GBX2: variants seen among roughly 807,000 people sequenced by gnomAD.
The protein encoded by GBX2 is gastrulation brain homeobox 2.
In GBX2, 5 loss-of-function variants were observed where a neutral mutation model predicts 22.4. The ratio of observed to expected loss-of-function variants is 0.22; its 90% confidence interval spans 0.12 to 0.47. The LOEUF (loss-of-function observed/expected upper bound fraction) is 0.47, where lower values mean the gene tolerates loss of function less well. Among genes scored for constraint, GBX2 ranks in the 20% least tolerant of loss-of-function variants. GBX2 has a pLI of 0.99. For missense variants in GBX2, 470 were observed against 495.4 expected (o/e 0.95, Z 0.49); for synonymous variants, 220 against 230.5 (o/e 0.95, Z 0.41).
downstream of GBX2, among the ~76,000 whole-genome samples, chr2:236,163,763 G>A (rs1020856243): frequency 6.6e-6 from 1 of 152,026 alleles, no homozygotes; most frequent in Non-Finnish European, 1.5e-5. Context: ...GTGGCCAGTG[G>A]GTACCTGCCC....
Position 236,165,658 on chromosome 2 carries a change from T to C in GBX2, c.*256A>G, listed in dbSNP as rs1260504518. On this transcript the variant is annotated 3_prime_UTR_variant, in exon 2 of 2. Coordinates refer to ENST00000306318, the MANE Select transcript of GBX2 (RefSeq NM_001485.4). ...CCTATAACTTTCAAAATACTGCAGCTGAGATCCAGTCTATAGAGATATTTA... is the reference window on the plus strand; with the variant it reads ...CCTATAACTTTCAAAATACTGCAGCCGAGATCCAGTCTATAGAGATATTTA... 1 of 435,804 alleles carries C rather than the reference T, an allele frequency of 2.3e-6. No homozygotes were observed. The highest frequency in any genetic ancestry group is 5.8e-5 in the South Asian group (1 of 17,254). The allele number at this position is 435,804 out of a possible 1,614,324, so 27.0% of individuals were successfully genotyped here.
At chr2:236,164,040 G>C (rs2060224584), downstream of GBX2, among the ~76,000 whole-genome samples, 1 of 152,176 alleles carries the variant, frequency 6.6e-6, no homozygotes, top group African/African-American at 2.4e-5. Context: ...GGAACTGTTG[G>C]GAACGCGGCG....
chr2:236,166,073 C>T lies in GBX2; in HGVS notation c.888G>A (p.Gln296=), dbSNP rs759698303. Residue 296 remains glutamine, a synonymous_variant, in exon 2 of 2, where the codon CAG becomes CAA. Coordinates refer to ENST00000306318, the MANE Select transcript of GBX2 (RefSeq NM_001485.4). This position sits in a 1 kb window ranked among gnomAD's most constrained non-coding sequence, Gnocchi z 6.6. Reference sequence around the variant, plus strand: ...CCCGTTTCCACTTGGCCCGTCGGTTCTGGAACCAGATTTTCACCTGCACCT... The same window carrying T: ...CCCGTTTCCACTTGGCCCGTCGGTTTTGGAACCAGATTTTCACCTGCACCT... ...LSEVQVKIWF[Q]NRRAKWKRVK... is the part of the protein sequence containing the mutation. 1.2e-6 allele frequency: 2 copies of T among 1,614,254 alleles called. No individual in the cohort carries two copies. The highest frequency in any genetic ancestry group is 3.3e-5 in the Admixed American group (2 of 60,032).
Position 236,167,884 on chromosome 2 carries a change from T to G in GBX2, c.88A>C (p.Ser30Arg). Residue 30 changes from serine (S) to arginine (R), a missense_variant, in exon 1 of 2, where the codon AGC (serine) becomes CGC (arginine). Transcript: ENST00000306318. ...TAFSIDSLIG[S>R]PPQPSPGHFV... ...TGGCCGGGGCTGGGCTGCGGCGGGC[T>G]GCCGATCAGCGAGTCTATGCTGAAG... is the stretch of plus-strand genomic sequence containing the variant. The G allele has an allele frequency of 6.4e-7, 1 of 1,552,744 alleles. No homozygotes were observed.
Position 236,165,835 on chromosome 2 carries a change from C to G in GBX2, c.*79G>C. 8.6e-7 allele frequency: 1 copy of G among 1,160,774 alleles called. No homozygotes were observed. The highest frequency in any genetic ancestry group is 1.2e-6 in the Non-Finnish European group (1 of 808,724). The allele number at this position is 1,160,774 out of a possible 1,614,324, so 71.9% of individuals were successfully genotyped here. ...TGGGCTGTGACTTTGTTGCTTCAAA[C>G]ACAGTGGAGTCCACCATGGGTTCCC... On this transcript the variant is annotated 3_prime_UTR_variant, in exon 2 of 2. Transcript: ENST00000306318.
chr2:236,167,456 A>C lies in GBX2; in HGVS notation c.516T>G (p.Ala172=), dbSNP rs931078783. The change falls in exon 1 of 2, where the codon GCT becomes GCG. Residue 172 remains alanine (A), a synonymous_variant. Coordinates refer to ENST00000306318, the MANE Select transcript of GBX2 (RefSeq NM_001485.4). ...CGCGCGCCGCCGACTCACCGAGCGA[A>C]GCCTGCACCGTCTCGGCCGCGGAGA... The part of the protein sequence containing the change: ...LAFSAAETVQ[A]SLVGAVRGQG... 1.2e-5 allele frequency: 19 copies of C among 1,572,536 alleles called. No individual in the cohort carries two copies. The highest frequency in any genetic ancestry group is 1.6e-5 in the Non-Finnish European group (19 of 1,168,438).
rs2060253606 is a variant in GBX2 at position 236,168,100 on chromosome 2, ACG to A, written c.-131_-130del. 3 of 984,752 alleles carry A rather than the reference ACG, an allele frequency of 3.0e-6. No homozygotes were observed. Among genetic ancestry groups the A allele is most frequent in the Non-Finnish European group, 2.7e-6 (2 of 745,062 alleles). 61.0% of individuals were successfully genotyped at this position (984,752 alleles called of 1,614,324 possible). On this transcript the variant is annotated 5_prime_UTR_variant, in exon 1 of 2. Coordinates refer to ENST00000306318, the MANE Select transcript of GBX2 (RefSeq NM_001485.4). ...GGGCCGAGCGGGACCCGGAGAGCAG[ACG>A]CCTCCGCCCCTCAGTCCTGGGCCCG...
downstream of GBX2, among the ~76,000 whole-genome samples, chr2:236,162,787 T>C (rs138763955): frequency 6.6e-6 from 1 of 152,280 alleles, no homozygotes; most frequent in Non-Finnish European, 1.5e-5. Flanking sequence ...ACAACAAATA[T>C]AGTGATGTCA....
chr2:236,162,493 G>C (rs530632264), downstream of GBX2, among the ~76,000 whole-genome samples: 3 of 152,336 alleles, frequency 2.0e-5, no homozygotes, highest in East Asian at 5.8e-4. Flanking sequence ...TGAGGCCCAG[G>C]ACCAAACTAA....
downstream of GBX2, among the ~76,000 whole-genome samples, chr2:236,164,422 G>A (rs1214602672): frequency 5.3e-5 from 8 of 152,184 alleles, no homozygotes; most frequent in African/African-American, 1.4e-4. Context: ...GCGCGCTTCG[G>A]GGTCCGGCAG....
Position 236,165,727 on chromosome 2 carries a change from G to A in GBX2, c.*187C>T, listed in dbSNP as rs2060234724. The A allele has an allele frequency of 1.7e-6, 1 of 591,088 alleles. No individual in the cohort carries two copies. The highest frequency in any genetic ancestry group is 2.2e-5 in the South Asian group (1 of 46,428). 36.6% of individuals were successfully genotyped at this position (591,088 alleles called of 1,614,324 possible). On this transcript the variant is annotated 3_prime_UTR_variant, in exon 2 of 2. Coordinates refer to ENST00000306318, the MANE Select transcript of GBX2 (RefSeq NM_001485.4). ...ATAATAAATATTTAGCGTGTCTTCT[G>A]GTGTGGCTGTAAGCCCCTTCAAAAG...
Position 236,167,572 on chromosome 2 carries a change from C to A in GBX2, c.400G>T (p.Gly134Cys), listed in dbSNP as rs781431098. The A allele has an allele frequency of 6.9e-6, 11 of 1,597,682 alleles. No individual in the cohort carries two copies. In the African/African-American group the frequency reaches 1.5e-4, roughly 22 times the overall value. Residue 134 changes from glycine to cysteine, a missense_variant, in exon 1 of 2, where the codon GGC becomes TGC. Physicochemically the swap from Gly to Cys is radical, Grantham distance 159. Coordinates refer to ENST00000306318, the MANE Select transcript of GBX2 (RefSeq NM_001485.4). The stretch of plus-strand genomic sequence containing the variant: ...TCCGCCTTGTCGAAGTTACCGCCGC[C>A]GGGCAGCGGCTGCGGCGCGAACTTG... ...ARKFAPQPLP[G>C]GGNFDKAEAL...
In GBX2 at chr2:236,166,335, G is replaced by C; in HGVS notation, c.626C>G (p.Ser209Trp). The change falls in exon 2 of 2, where the codon TCG (serine) becomes TGG (tryptophan). Residue 209 changes from serine (S) to tryptophan (W), a missense_variant. Transcript: ENST00000306318. This position sits in a 1 kb window ranked among gnomAD's most constrained non-coding sequence, Gnocchi z 6.6. Reference protein sequence around the residue: ...FSLESDVDYSSDDNLTGQAAH... With the variant: ...FSLESDVDYSWDDNLTGQAAH... ...TGCCTGGCCAGTCAGATTGTCATCC[G>C]AGCTGTAGTCCACATCGCTCTCCAG... 1.9e-6 allele frequency: 3 copies of C among 1,614,018 alleles called. No homozygotes were observed. The highest frequency in any genetic ancestry group is 2.5e-6 in the Non-Finnish European group (3 of 1,180,028).
Position 236,167,906 on chromosome 2 carries a change from G to A in GBX2, c.66C>T (p.Phe22=). The part of the protein sequence containing the change: ...MQRPLGSSTA[F]SIDSLIGSPP... ...GGCTGCCGATCAGCGAGTCTATGCT[G>A]AAGGCGGTGCTACTCCCCAGCGGGC... Residue 22 remains phenylalanine, a synonymous_variant, in exon 1 of 2, where the codon TTC becomes TTT. Coordinates refer to ENST00000306318, the MANE Select transcript of GBX2 (RefSeq NM_001485.4). 6.4e-7 allele frequency: 1 copy of A among 1,562,666 alleles called. No individual in the cohort carries two copies. Among genetic ancestry groups the A allele is most frequent in the Admixed American group, 1.8e-5 (1 of 54,428 alleles).
In GBX2 at chr2:236,168,084, G is replaced by A. The variant is rs2060253360; in HGVS notation, c.-113C>T. On this transcript the variant is annotated 5_prime_UTR_variant, in exon 1 of 2. Coordinates refer to ENST00000306318, the MANE Select transcript of GBX2 (RefSeq NM_001485.4). ...CGGGAGCGCCGGGCAGGGGCCGAGC[G>A]GGACCCGGAGAGCAGACGCCTCCGC... The A allele has an allele frequency of 8.5e-7, 1 of 1,178,252 alleles. No individual in the cohort carries two copies. Among genetic ancestry groups the A allele is most frequent in the Non-Finnish European group, 1.1e-6 (1 of 916,944 alleles). The allele number at this position is 1,178,252 out of a possible 1,614,324, so 73.0% of individuals were successfully genotyped here. A position where few individuals can be genotyped will look rare whatever the true frequency, so the allele number is the denominator to read the frequency against.
downstream of GBX2, among the ~76,000 whole-genome samples, chr2:236,163,967 C>G (rs990686385): frequency 6.6e-6 from 1 of 152,124 alleles, no homozygotes; most frequent in African/African-American, 2.4e-5. Flanking sequence ...CCGACGCCCT[C>G]GGAGGACTGG....
At chr2:236,163,215 G>C (rs762502102), downstream of GBX2, among the ~76,000 whole-genome samples, 2 of 152,194 alleles carry the variant, frequency 1.3e-5, no homozygotes, top group Non-Finnish European at 2.9e-5. Flanking sequence ...CCTGTCTCCC[G>C]GGCCTTGGCC....
Position 236,166,021 on chromosome 2 carries a change from T to A in GBX2, c.940A>T (p.Thr314Ser), listed in dbSNP as rs1379451572. ...TTAGGGTTCCGGGAGGGCTCCCCTG[T>A]CTTGGAATTGGCATTGCCTGCCTTC... Reference protein sequence around the residue: ...RVKAGNANSKTGEPSRNPKIV... With the variant: ...RVKAGNANSKSGEPSRNPKIV... Residue 314 changes from threonine (T) to serine (S), a missense_variant, in exon 2 of 2, where the codon ACA (threonine) becomes TCA (serine). Coordinates refer to ENST00000306318, the MANE Select transcript of GBX2 (RefSeq NM_001485.4). This position sits in a 1 kb window ranked among gnomAD's most constrained non-coding sequence, Gnocchi z 6.6. 2 of 1,614,096 alleles carry A rather than the reference T, an allele frequency of 1.2e-6. No individual in the cohort carries two copies. The highest frequency in any genetic ancestry group is 1.7e-6 in the Non-Finnish European group (2 of 1,180,042).
In GBX2 at chr2:236,168,136, C is replaced by T. The variant is rs1226891394; in HGVS notation, c.-165G>A. ...CCTCAGTCCTGGGCCCGCTGCATGC[C>T]GGGCGGGTGCAGGGGGTGTGCGGGG... is the stretch of plus-strand genomic sequence containing the variant. On this transcript the variant is annotated 5_prime_UTR_variant, in exon 1 of 2. Transcript: ENST00000306318. The T allele has an allele frequency of 5.9e-6, 4 of 672,980 alleles. No individual in the cohort carries two copies. Among genetic ancestry groups the T allele is most frequent in the African/African-American group, 3.8e-5 (2 of 52,598 alleles). 41.7% of individuals were successfully genotyped at this position (672,980 alleles called of 1,614,324 possible). A position where few individuals can be genotyped will look rare whatever the true frequency, so the allele number is the denominator to read the frequency against.
Sources: allele counts gnomAD v4.1 joint callset (sites outside exome capture counted in the v4.1 genomes callset), GRCh38; gene constraint gnomAD v4.1.1; non-coding constraint Gnocchi (gnomAD v3.1); transcripts MANE v1.5; gene names NCBI Gene and HGNC (gene_info 2026-07-23, HGNC 2026-07-21).